Variants in KCNK16 observed in about 807,000 individuals in gnomAD.
KCNK16 encodes the protein potassium channel subfamily K member 16.
In KCNK16, 23 loss-of-function variants were observed where a neutral mutation model predicts 23.0. The observed-to-expected ratio is 1.00, with a 90% confidence interval of 0.72 to 1.41. The LOEUF is 1.41. KCNK16 is among the 40% of genes most tolerant of loss of function. KCNK16 has a pLI of 0.00. For synonymous variants in KCNK16, 145 were observed against 153.5 expected, an observed-to-expected ratio of 0.94 and a Z score of 0.41; for missense variants, 327 against 365.8, an observed-to-expected ratio of 0.89 and a Z score of 0.87.
downstream of KCNK16, chr6:39,314,725 G>A (rs1762244250): frequency 4.3e-6 from 2 of 466,006 alleles, no homozygotes; most frequent in Non-Finnish European, 7.5e-6. Context: ...CAACTTTATT[G>A]TCTTGGGGCC....
intron 1 of KCNK16, among the ~76,000 whole-genome samples, chr6:39,321,585 C>T (rs1191325056): frequency 7.2e-5 from 11 of 152,214 alleles, no homozygotes. Flanking sequence ...TTGGTCTGTT[C>T]CTTTGCAGGG....
At chr6:39,316,564 T>G in intron 4 of KCNK16, 122 bp from the exon 5 acceptor site, 1 of 1,310,900 alleles carries the variant, frequency 7.6e-7, no homozygotes, top group Non-Finnish European at 1.0e-6. Flanking sequence ...GGAACAGCAG[T>G]TGAGGTAGGT....
At chr6:39,315,205 G>C, downstream of KCNK16, 1 of 1,614,162 alleles carries the variant, frequency 6.2e-7, no homozygotes, top group South Asian at 1.1e-5. Context: ...AAAATTTCCA[G>C]GCCCCGGGAT....
chr6:39,322,810 T>G, upstream of KCNK16: 1 of 466,506 alleles, frequency 2.1e-6, no homozygotes, highest in Non-Finnish European at 3.9e-6. Context: ...CAGGGACCCT[T>G]CAAAGAGACC....
At chr6:39,316,036 G>A (rs997094442), downstream of KCNK16, 8 of 865,138 alleles carry the variant, frequency 9.2e-6, no homozygotes, top group African/African-American at 7.0e-5. Context: ...CCTATCTCAC[G>A]TCTCCTCTCT....
In KCNK16 at chr6:39,316,337, AG is replaced by A. The variant is rs766635587; in HGVS notation, c.766del (p.Leu256CysfsTer?). 10 of 1,611,712 alleles carry A rather than the reference AG, an allele frequency of 6.2e-6. No homozygotes were observed. The African/African-American group carries it at 9.3e-5, about 15-fold the overall frequency. On this transcript the variant is annotated frameshift_variant, in exon 5 of 5. Coordinates refer to ENST00000437525, the MANE Select transcript of KCNK16 (RefSeq NM_001135106.2). LOFTEE classifies it low-confidence loss of function (END_TRUNC). ...GAGCTGGCAGCATCTGTGCAGAAGC[AG>A]GGGGCCCAGTGGGAGGATCAGCGCC... ...WLALILPLGPLLLHRCCQLWL... is the reference protein window; with the variant it reads ...WLALILPLGPXLLHRCCQLWL...
In KCNK16 at chr6:39,317,796, C is replaced by T. The variant is rs1762374934; in HGVS notation, c.485G>A (p.Arg162Lys). 1.9e-6 allele frequency: 3 copies of T among 1,600,260 alleles called. No individual in the cohort carries two copies. In the African/African-American group the frequency reaches 4.0e-5, roughly 21 times the overall value. The change falls in exon 3 of 5, where the codon AGG becomes AAG. Residue 162 changes from arginine (R) to lysine (K), a missense_variant. Arg to Lys is a conservative substitution (Grantham distance 26). Transcript: ENST00000437525. ...AGTTAGGGGGCATACCTGGGAGCGC[C>T]TGGGACGGTCCTCCCATCTTTCAAT... ...AAIERWEDRP[R>K]RSQVLQVLGL...
chr6:39,322,462 G>A lies in KCNK16; in HGVS notation c.79C>T (p.Leu27Phe). 11 of 1,613,984 alleles carry A rather than the reference G, an allele frequency of 6.8e-6. No homozygotes were observed. The highest frequency in any genetic ancestry group is 9.3e-6 in the Non-Finnish European group (11 of 1,180,016). Residue 27 changes from leucine (L) to phenylalanine (F), a missense_variant, in exon 1 of 5, where the codon CTC becomes TTC. Transcript: ENST00000437525. ...LLLAYVCYLL[L>F]GATIFQLLER... ...AGCAGCTGGAAGATAGTGGCACCGA[G>A]CAGCAGGTAGCAGACATAGGCCAGC...
rs532544005 is a variant in KCNK16, at chr6:39,317,610, G to A, written c.495+176C>T. 2.6e-5 allele frequency among the ~76,000 whole-genome samples: 4 copies of A among 152,316 alleles called. No homozygotes were observed. In the South Asian group the frequency reaches 8.3e-4, roughly 32 times the overall value. On this transcript the variant is annotated intron_variant, in intron 3 of 4. Coordinates refer to ENST00000437525, the MANE Select transcript of KCNK16 (RefSeq NM_001135106.2). ...CTCCTTGGGGCCAAGCCTTTGTAGA[G>A]CATGCATAGAGATCCAACTCCCCAC...
chr6:39,315,343 C>A (rs775274420), downstream of KCNK16: 1 of 1,551,956 alleles, frequency 6.4e-7, no homozygotes, highest in Admixed American at 2.0e-5. Context: ...ATCCTGGGAT[C>A]TGCTGGCTCT....
chr6:39,314,620 T>C (rs564125012), downstream of KCNK16: 38 of 426,076 alleles, frequency 8.9e-5, no homozygotes, highest in African/African-American at 6.4e-4. Flanking sequence ...CCGCAGGCGC[T>C]GAGGGAAGGG....
At chr6:39,314,810 TC>T, downstream of KCNK16, 1 of 589,968 alleles carries the variant, frequency 1.7e-6, no homozygotes, top group East Asian at 2.8e-5. Context: ...ACCTTGGGTC[TC>T]CCACACCTCT....
chr6:39,318,041 C>A, intron 2 of KCNK16, 89 bp from the exon 3 acceptor site: 1 of 1,332,578 alleles, frequency 7.5e-7, no homozygotes, highest in South Asian at 1.6e-5. Context: ...GTTTGTCTGT[C>A]ACCACCTCTG....
At chr6:39,321,149 G>C (rs1762502519) in intron 1 of KCNK16, among the ~76,000 whole-genome samples, 1 of 152,188 alleles carries the variant, frequency 6.6e-6, no homozygotes, top group African/African-American at 2.4e-5. Context: ...CATCCCTAGA[G>C]TTCCTGAGTC....
chr6:39,321,548 A>G (rs1762516197), intron 1 of KCNK16, among the ~76,000 whole-genome samples: 1 of 152,198 alleles, frequency 6.6e-6, no homozygotes, highest in Non-Finnish European at 1.5e-5. Flanking sequence ...TGCTCAGTAA[A>G]TGCCAGTTAT....
At position 39,319,592 on chromosome 6, in the gene KCNK16, G is replaced by A. The variant is rs1762440122; in HGVS notation, c.214-459C>T. Among the ~76,000 whole-genome samples, 1 of 152,206 alleles carries A rather than the reference G, an allele frequency of 6.6e-6. No homozygotes were observed. The highest frequency in any genetic ancestry group is 2.1e-4 in the South Asian group (1 of 4,838). On this transcript the variant is annotated intron_variant, in intron 1 of 4. Coordinates refer to ENST00000437525, the MANE Select transcript of KCNK16 (RefSeq NM_001135106.2). The surrounding 1 kb of genome is among the most constrained non-coding windows in gnomAD (Gnocchi z 4.2). ...AGGGACCACAGGGAAGCCATGGGCT[G>A]CCTGCTATGAAGCTAATGGTGGGAA...
Position 39,319,075 on chromosome 6 carries a change from C to T in KCNK16, c.272G>A (p.Ser91Asn), listed in dbSNP as rs558260695. Residue 91 changes from serine to asparagine, a missense_variant, in exon 2 of 5, where the codon AGC becomes AAC. Transcript: ENST00000437525. The surrounding 1 kb of genome is among the most constrained non-coding windows in gnomAD (Gnocchi z 4.2). ...GAAACTGCTGCCAAAGTCCCAGTTGCTGGGGTTGGTAGAGTTGCCTTTGGG... is the reference window on the plus strand; with the variant it reads ...GAAACTGCTGCCAAAGTCCCAGTTGTTGGGGTTGGTAGAGTTGCCTTTGGG... ...VNPKGNSTNP[S>N]NWDFGSSFFF... The T allele has an allele frequency of 1.7e-4, 273 of 1,614,010 alleles. No homozygotes were observed. Among genetic ancestry groups the T allele is most frequent in the Non-Finnish European group, 2.2e-4 (265 of 1,180,024 alleles).
rs905848991 is a variant in KCNK16, at chr6:39,319,673, G to T, written c.214-540C>A. Among the ~76,000 whole-genome samples the T allele has an allele frequency of 6.6e-5, 10 of 152,054 alleles. No individual in the cohort carries two copies. Among genetic ancestry groups the T allele is most frequent in the Non-Finnish European group, 1.2e-4 (8 of 68,016 alleles). On this transcript the variant is annotated intron_variant, in intron 1 of 4. Transcript: ENST00000437525. This position sits in a 1 kb window ranked among gnomAD's most constrained non-coding sequence, Gnocchi z 4.2. ...CGAGTGGGCACCCTTGCTCTTTGCT[G>T]CTCTCTAGTGAGCCTCAGCCCTTGC...
chr6:39,315,686 C>G (rs149201385), downstream of KCNK16, among the ~76,000 whole-genome samples: 377 of 152,298 alleles, frequency 2.5e-3, 1 homozygote, highest in African/African-American at 8.1e-3. Flanking sequence ...CTCTCATCAA[C>G]CCTGGGGCTA....
Sources: allele counts gnomAD v4.1 joint callset (sites outside exome capture counted in the v4.1 genomes callset), GRCh38; gene constraint gnomAD v4.1.1; non-coding constraint Gnocchi (gnomAD v3.1); transcripts MANE v1.5; gene names NCBI Gene and HGNC (gene_info 2026-07-23, HGNC 2026-07-21).